NPTX1: variants seen among roughly 807,000 people sequenced by gnomAD.
NPTX1 encodes the protein neuronal pentraxin-1.
Under a neutral mutation model 38.7 loss-of-function variants are expected in NPTX1, and 12 were observed. The observed-to-expected ratio is 0.31, with a 90% CI of 0.20 to 0.50. The LOEUF is 0.50. NPTX1 is among the 20% of genes least tolerant of loss of function. The pLI, the probability that NPTX1 is intolerant of heterozygous loss-of-function variation, is 0.98. For synonymous variants in NPTX1, 272 were observed against 264.9 expected (o/e 1.03, Z -0.26); for missense variants, 454 against 592.2 (o/e 0.77, Z 2.42).
In NPTX1 at chr17:80,475,388, T is replaced by C. The variant is rs1206885763; in HGVS notation, c.652+123A>G. On this transcript the variant is annotated intron_variant, in intron 2 of 4. Coordinates refer to ENST00000306773, the MANE Select transcript of NPTX1 (RefSeq NM_002522.4). The surrounding 1 kb of genome is among the most constrained non-coding windows in gnomAD (Gnocchi z 6.5). ...GGGGAATGAGAAAGCGGTGCAGGGG[T>C]TGGGGGTAGCGGAGCGGCTTGAGGC... 20 of 685,582 alleles carry C rather than the reference T, an allele frequency of 2.9e-5. No homozygotes were observed. Among genetic ancestry groups the C allele is most frequent in the Non-Finnish European group, 4.6e-5 (19 of 415,426 alleles). The allele number at this position is 685,582 out of a possible 1,614,324, so 42.5% of individuals were successfully genotyped here. A position where few individuals can be genotyped will look rare whatever the true frequency, so the allele number is the denominator to read the frequency against.
intron 2 of NPTX1, among the ~76,000 whole-genome samples, chr17:80,474,951 G>A (rs975257222): frequency 6.6e-6 from 1 of 152,216 alleles, no homozygotes; most frequent in African/African-American, 2.4e-5. Context: ...CAGGACTTGG[G>A]TCACTCAGAA....
Position 80,476,061 on chromosome 17 carries a change from G to T in NPTX1, c.386C>A (p.Thr129Lys). 1 of 1,608,742 alleles carries T rather than the reference G, an allele frequency of 6.2e-7. No homozygotes were observed. Among genetic ancestry groups the T allele is most frequent in the Non-Finnish European group, 8.5e-7 (1 of 1,178,454 alleles). The stretch of plus-strand genomic sequence containing the variant: ...CAAAGTTTGCCCGAGTTGGCTGAGC[G>T]TCTCGGCGGCCGGTGTCCGGGACAG... ...GDLSRTPAAE[T>K]LSQLGQTLQS... The change falls in exon 1 of 5, where the codon ACG (threonine) becomes AAG (lysine). Residue 129 changes from threonine to lysine, a missense_variant. By Grantham distance (78) the Thr-to-Lys change is moderately conservative. Around this residue, in one of 4 missense-constraint regions of NPTX1, gnomAD observed 288 missense variants for 318.4 expected, o/e 0.90. Coordinates refer to ENST00000306773, the MANE Select transcript of NPTX1 (RefSeq NM_002522.4). The surrounding 1 kb of genome is among the most constrained non-coding windows in gnomAD (Gnocchi z 6.3).
At chr17:80,472,897 G>A (rs1421812740) in intron 3 of NPTX1, among the ~76,000 whole-genome samples, 2 of 152,192 alleles carry the variant, frequency 1.3e-5, no homozygotes, top group Non-Finnish European at 2.9e-5. Flanking sequence ...CCAGCTGGTG[G>A]AGGAGTCCAG....
chr17:80,471,267 TG>T (rs1187560288), intron 4 of NPTX1, among the ~76,000 whole-genome samples: 1 of 152,120 alleles, frequency 6.6e-6, no homozygotes, highest in Admixed American at 6.5e-5. Flanking sequence ...GAGCTTCTCC[TG>T]GGGGGACCTG....
In NPTX1 at chr17:80,473,429, C is replaced by T. The variant is rs199995922; in HGVS notation, c.668G>A (p.Arg223His). Residue 223 changes from arginine to histidine, a missense_variant, in exon 3 of 5, where the codon CGC becomes CAC. Arg to His is a conservative substitution (Grantham distance 29). Transcript: ENST00000306773. ...TGTGAGCTGGAACTTGTCTCCAGGG[C>T]GGTTGTCTTTCTGACCTGCGGAAGA... is the stretch of plus-strand genomic sequence containing the variant. ...SELEKGQKDNRPGDKFQLTFP... is the reference protein window; with the variant it reads ...SELEKGQKDNHPGDKFQLTFP... The T allele has an allele frequency of 1.1e-4, 180 of 1,613,860 alleles. No individual in the cohort carries two copies. The highest frequency in any genetic ancestry group is 4.2e-4 in the Admixed American group (25 of 60,028).
At position 80,475,507 on chromosome 17, in the gene NPTX1, G is replaced by C. The variant is rs943704543; in HGVS notation, c.652+4C>G. 6.2e-7 allele frequency: 1 copy of C among 1,610,140 alleles called. No individual in the cohort carries two copies. The highest frequency in any genetic ancestry group is 1.7e-5 in the Admixed American group (1 of 59,906). ...GGCAGCACGGCTCCCCCTGGCCCCA[G>C]TACCTTTCTCGAGCTCGCTGATCCG... On this transcript the variant is annotated splice_donor_region_variant and intron_variant, in intron 2 of 4. Transcript: ENST00000306773. The surrounding 1 kb of genome is among the most constrained non-coding windows in gnomAD (Gnocchi z 6.5).
At position 80,470,758 on chromosome 17, in the gene NPTX1, C is replaced by A. The variant is rs1157995302; in HGVS notation, c.*55G>T. 7.4e-6 allele frequency: 9 copies of A among 1,223,906 alleles called. No individual in the cohort carries two copies. Among genetic ancestry groups the A allele is most frequent in the Non-Finnish European group, 1.0e-5 (9 of 861,182 alleles). 75.8% of individuals were successfully genotyped at this position (1,223,906 alleles called of 1,614,324 possible). The stretch of plus-strand genomic sequence containing the variant: ...GAGAGAAGAGACGCACAAAACAGAT[C>A]ATCGCCGCACAAGCAGGGGGCGAGG... On this transcript the variant is annotated 3_prime_UTR_variant, in exon 5 of 5. Transcript: ENST00000306773.
In NPTX1 at chr17:80,470,654, G is replaced by A. The variant is rs1300989396; in HGVS notation, c.*159C>T. 1.7e-6 allele frequency: 1 copy of A among 576,732 alleles called. No individual in the cohort carries two copies. The highest frequency in any genetic ancestry group is 3.1e-6 in the Non-Finnish European group (1 of 324,924). The allele number at this position is 576,732 out of a possible 1,614,324, so 35.7% of individuals were successfully genotyped here. ...GACAGATGGGAGCAGGGGCTGCTTC[G>A]TGTGCATGAGGACAAAACCAGGCTG... On this transcript the variant is annotated 3_prime_UTR_variant, in exon 5 of 5. Coordinates refer to ENST00000306773, the MANE Select transcript of NPTX1 (RefSeq NM_002522.4).
chr17:80,475,537 T>C lies in NPTX1; in HGVS notation c.626A>G (p.His209Arg), dbSNP rs751109312. The change falls in exon 2 of 5, where the codon CAC becomes CGC. Residue 209 changes from histidine (H) to arginine (R), a missense_variant. Around this residue, in one of 4 missense-constraint regions of NPTX1, gnomAD observed 288 missense variants for 318.4 expected, o/e 0.90. Transcript: ENST00000306773. The surrounding 1 kb of genome is among the most constrained non-coding windows in gnomAD (Gnocchi z 6.5). ...TTTCTCGAGCTCGCTGATCCGCTGGTGCAGGGAGGTCAGGGCGGTCTCGAT... is the reference window on the plus strand; with the variant it reads ...TTTCTCGAGCTCGCTGATCCGCTGGCGCAGGGAGGTCAGGGCGGTCTCGAT... The part of the protein sequence containing the change: ...VKIETALTSL[H>R]QRISELEKGQ... 2.5e-6 allele frequency: 4 copies of C among 1,612,496 alleles called. No homozygotes were observed. The South Asian group carries it at 4.4e-5, about 18-fold the overall frequency.
At chr17:80,471,109 T>TA in intron 4 of NPTX1, 75 bp from the exon 5 acceptor site, 1 of 1,169,226 alleles carries the variant, frequency 8.6e-7, no homozygotes, top group East Asian at 2.5e-5. Context: ...GCCGGGGATC[T>TA]GAGTGCCTCT....
rs1167675433 is a variant in NPTX1, at chr17:80,469,769, AG to A, written c.*1043del. ...GAAGTCCCAGTGGCCCCATGTGGCC[AG>A]GTCTTCATCGAAACACGGCTTCTTT... On this transcript the variant is annotated 3_prime_UTR_variant, in exon 5 of 5. Transcript: ENST00000306773. 2 of 152,314 alleles carry A rather than the reference AG, an allele frequency of 1.3e-5. No individual in the cohort carries two copies. Among genetic ancestry groups the A allele is most frequent in the Non-Finnish European group, 2.9e-5 (2 of 68,066 alleles). The allele number at this position is 152,314 out of a possible 1,614,324, so 9.4% of individuals were successfully genotyped here. A position where few individuals can be genotyped will look rare whatever the true frequency, so the allele number is the denominator to read the frequency against.
At position 80,470,961 on chromosome 17, in the gene NPTX1, C is replaced by T. The variant is rs375690569; in HGVS notation, c.1151G>A (p.Arg384His). 1.0e-4 allele frequency: 168 copies of T among 1,613,606 alleles called. 2 individuals are homozygous for T. The highest frequency in any genetic ancestry group is 1.9e-4 in the South Asian group (17 of 91,036). ...GTACACCTCCCCGGGGGTCAGCTTG[C>T]GGTCCCAGATGTTGAAGTGGGCCAG... The part of the protein sequence containing the change: ...GELAHFNIWD[R>H]KLTPGEVYNL... Residue 384 changes from arginine (R) to histidine (H), a missense_variant, in exon 5 of 5, where the codon CGC becomes CAC. This residue lies in a region of NPTX1 where 110 missense variants were observed against 197.5 expected (regional missense o/e 0.56). Coordinates refer to ENST00000306773, the MANE Select transcript of NPTX1 (RefSeq NM_002522.4).
chr17:80,476,238 T>C lies in NPTX1; in HGVS notation c.209A>G (p.Glu70Gly). The C allele has an allele frequency of 6.4e-7, 1 of 1,570,656 alleles. No individual in the cohort carries two copies. Among genetic ancestry groups the C allele is most frequent in the Non-Finnish European group, 8.6e-7 (1 of 1,166,022 alleles). The change falls in exon 1 of 5, where the codon GAG becomes GGG. Residue 70 changes from glutamate (E) to glycine (G), a missense_variant. Physicochemically the swap from Glu to Gly is moderately conservative, Grantham distance 98. This residue lies in a region of NPTX1 where 288 missense variants were observed against 318.4 expected (regional missense o/e 0.90). Coordinates refer to ENST00000306773, the MANE Select transcript of NPTX1 (RefSeq NM_002522.4). The surrounding 1 kb of genome is among the most constrained non-coding windows in gnomAD (Gnocchi z 6.3). The stretch of plus-strand genomic sequence containing the variant: ...GGTCTCCTTCTGGCTCAGGATGGTC[T>C]CCTTCTGCTGCAGCACCGTCTCGCG... ...QLRETVLQQK[E>G]TILSQKETIR...
At position 80,476,384 on chromosome 17, in the gene NPTX1, C is replaced by A; in HGVS notation, c.63G>T (p.Gly21=). 6.6e-7 allele frequency: 1 copy of A among 1,516,898 alleles called. No individual in the cohort carries two copies. Among genetic ancestry groups the A allele is most frequent in the Non-Finnish European group, 8.8e-7 (1 of 1,139,780 alleles). 94.0% of individuals were successfully genotyped at this position (1,516,898 alleles called of 1,614,324 possible). A position where few individuals can be genotyped will look rare whatever the true frequency, so the allele number is the denominator to read the frequency against. The part of the protein sequence containing the change: ...ALLALCLLGA[G]AQDFGPTRFI... ...AGCGCGTCGGCCCGAAATCCTGGGCCCCGGCGCCCAGGAGGCAGAGGGCGA... is the reference window on the plus strand; with the variant it reads ...AGCGCGTCGGCCCGAAATCCTGGGCACCGGCGCCCAGGAGGCAGAGGGCGA... The change falls in exon 1 of 5, where the codon GGG becomes GGT. Residue 21 remains glycine (G), a synonymous_variant. Coordinates refer to ENST00000306773, the MANE Select transcript of NPTX1 (RefSeq NM_002522.4). The surrounding 1 kb of genome is among the most constrained non-coding windows in gnomAD (Gnocchi z 6.3).
Position 80,475,035 on chromosome 17 carries a change from T to C in NPTX1, c.652+476A>G, listed in dbSNP as rs996568645. Among the ~76,000 whole-genome samples, 5 of 152,054 alleles carry C rather than the reference T, an allele frequency of 3.3e-5. No homozygotes were observed. Among genetic ancestry groups the C allele is most frequent in the African/African-American group, 1.2e-4 (5 of 41,410 alleles). On this transcript the variant is annotated intron_variant, in intron 2 of 4. Coordinates refer to ENST00000306773, the MANE Select transcript of NPTX1 (RefSeq NM_002522.4). This position sits in a 1 kb window ranked among gnomAD's most constrained non-coding sequence, Gnocchi z 6.5. ...AGATCCTGAGAGGACACCGGGGGCA[T>C]GGCAGCCGGGAAGAAACCTGCTTAA...
rs1131609 is a variant in NPTX1 at position 80,471,902 on chromosome 17, A to G, written c.907T>C (p.Leu303=). The change falls in exon 4 of 5, where the codon TTG becomes CTG. Residue 303 remains leucine (L), a synonymous_variant. Coordinates refer to ENST00000306773, the MANE Select transcript of NPTX1 (RefSeq NM_002522.4). ...EILINDKVAK[L]PFVINDGKWH... is the part of the protein sequence containing the mutation. ...TTGCCATCATTGATGACAAAAGGCA[A>G]CTTGGCCACCTGGGAAGGAGAATGA... 0.76 allele frequency: 1,226,411 copies of G among 1,611,204 alleles called. 467,552 individuals carry two copies. Among genetic ancestry groups the G allele is most frequent in the African/African-American group, 0.83 (62,285 of 75,000 alleles).
chr17:80,473,687 T>A (rs1391889811), intron 2 of NPTX1: 1 of 538,064 alleles, frequency 1.9e-6, no homozygotes, highest in Non-Finnish European at 3.3e-6. Flanking sequence ...GCCCATGTGC[T>A]GGCATCCTTG....
chr17:80,476,294 G>T lies in NPTX1; in HGVS notation c.153C>A (p.Ala51=), dbSNP rs777101512. ...MCAASVAAGG[A]EELRSSVLQL... ...GCAGCACGCTGCTCCGGAGCTCCTC[G>T]GCGCCGCCGGCGGCCACGGACGCGG... is the stretch of plus-strand genomic sequence containing the variant. Residue 51 remains alanine (A), a synonymous_variant, in exon 1 of 5, where the codon GCC becomes GCA. Coordinates refer to ENST00000306773, the MANE Select transcript of NPTX1 (RefSeq NM_002522.4). This position sits in a 1 kb window ranked among gnomAD's most constrained non-coding sequence, Gnocchi z 6.3. The T allele has an allele frequency of 1.5e-5, 23 of 1,558,768 alleles. No homozygotes were observed. The highest frequency in any genetic ancestry group is 2.4e-5 in the East Asian group (1 of 42,024).
rs1330477674 is a variant in NPTX1 at position 80,476,198 on chromosome 17, G to A, written c.249C>T (p.Thr83=). ...GGCTCTCGCAGCGGCCCAGCTTGGCGGTCAGCTCGCGGATGGTCTCCTTCT... is the reference window on the plus strand; with the variant it reads ...GGCTCTCGCAGCGGCCCAGCTTGGCAGTCAGCTCGCGGATGGTCTCCTTCT... The part of the protein sequence containing the change: ...LSQKETIREL[T]AKLGRCESQS... The change falls in exon 1 of 5, where the codon ACC becomes ACT. Residue 83 remains threonine, a synonymous_variant. Transcript: ENST00000306773. The surrounding 1 kb of genome is among the most constrained non-coding windows in gnomAD (Gnocchi z 6.3). 6.3e-7 allele frequency: 1 copy of A among 1,577,020 alleles called. No homozygotes were observed.
Sources: gnomAD v4.1 joint callset for allele counts (sites outside exome capture counted in the v4.1 genomes callset) on GRCh38, gnomAD v4.1.1 for gene constraint, gnomAD v4.1.1 regional missense constraint, Gnocchi (gnomAD v3.1) non-coding constraint, MANE v1.5 for transcripts, NCBI Gene and HGNC (gene_info 2026-07-23, HGNC 2026-07-21) for gene names.